Variants in SUGT1 observed in about 807,000 individuals in gnomAD.
SUGT1 encodes protein SGT1 homolog.
Under a neutral mutation model 56.1 loss-of-function variants are expected in SUGT1, and 15 were observed. The observed-to-expected ratio is 0.27, with a 90% CI of 0.18 to 0.41. The LOEUF (loss-of-function observed/expected upper bound fraction) is 0.41, where lower values mean the gene tolerates loss of function less well. SUGT1 is among the 10% of genes least tolerant of loss of function. The probability of loss-of-function intolerance (pLI) is 1.00; values close to 1 mark genes in which losing one functional copy is unlikely to be tolerated. For missense variants in SUGT1, 347 were observed against 382.2 expected (o/e 0.91, Z 0.77); for synonymous variants, 123 against 128.6 (o/e 0.96, Z 0.30).
intron 9 of SUGT1, among the ~76,000 whole-genome samples, chr13:52,666,534 A>G (rs947053235): frequency 3.9e-5 from 6 of 152,234 alleles, no homozygotes; most frequent in Non-Finnish European, 7.3e-5. Context: ...TGAAATCTAA[A>G]TATCAAATAG....
At chr13:52,685,289 TCTC>T (rs1224799168) in intron 12 of SUGT1, among the ~76,000 whole-genome samples, 1 of 138,828 alleles carries the variant, frequency 7.2e-6, no homozygotes, top group East Asian at 2.1e-4. Flanking sequence ...AGAGATAAGG[TCTC>T]CTATGTTGCC....
chr13:52,666,999 A>G (rs985932714), intron 10 of SUGT1, 80 bp downstream of exon 10: 2 of 942,900 alleles, frequency 2.1e-6, no homozygotes, highest in South Asian at 3.2e-5. Flanking sequence ...CCATGTGTTT[A>G]TAAGCTTGTA....
rs1963945009 is a variant in SUGT1 at position 52,696,749 on chromosome 13, C to T, written c.*8914C>T. The T allele has an allele frequency of 6.6e-6, 1 of 152,094 alleles. No individual in the cohort carries two copies. Among genetic ancestry groups the T allele is most frequent in the African/African-American group, 2.4e-5 (1 of 41,416 alleles). The allele number at this position is 152,094 out of a possible 1,614,324, so 9.4% of individuals were successfully genotyped here. On this transcript the variant is annotated 3_prime_UTR_variant, in exon 13 of 13. Transcript: ENST00000310528. ...GTCCAGGGCTCGAGTGATCTTCTCA[C>T]TTCAGCCTCCTGAGTAGCTGAGACT...
In SUGT1 at chr13:52,680,153, T is replaced by A; in HGVS notation, c.898T>A (p.Phe300Ile). 6.4e-7 allele frequency: 1 copy of A among 1,572,048 alleles called. No individual in the cohort carries two copies. Among genetic ancestry groups the A allele is most frequent in the Non-Finnish European group, 8.6e-7 (1 of 1,167,528 alleles). The change falls in exon 12 of 13, where the codon TTT (phenylalanine) becomes ATT (isoleucine). Residue 300 changes from phenylalanine to isoleucine, a missense_variant and splice_region_variant. Physicochemically the swap from Phe to Ile is conservative, Grantham distance 21. Coordinates refer to ENST00000310528, the MANE Select transcript of SUGT1 (RefSeq NM_006704.5). The part of the protein sequence containing the change: ...DEVKRAMNKS[F>I]MESGGTVLST... ...AGTGAAACGTGCCATGAACAAATCCTTTGTAAGAATATAAACTTAAAGAAA... is the reference window on the plus strand; with the variant it reads ...AGTGAAACGTGCCATGAACAAATCCATTGTAAGAATATAAACTTAAAGAAA...
intron 11 of SUGT1, among the ~76,000 whole-genome samples, chr13:52,677,234 G>A (rs554233599): frequency 4.6e-5 from 7 of 152,180 alleles, no homozygotes; most frequent in East Asian, 1.9e-4. Flanking sequence ...AATAATTTTG[G>A]ATGTTTAGAA....
intron 11 of SUGT1, among the ~76,000 whole-genome samples, chr13:52,678,643 G>GA (rs1031159801): frequency 1.3e-5 from 2 of 148,590 alleles, no homozygotes; most frequent in East Asian, 3.9e-4. Flanking sequence ...GAGTTAGTAT[G>GA]AAAAAAAGAA....
At chr13:52,675,118 T>G (rs1279373260) in intron 10 of SUGT1, among the ~76,000 whole-genome samples, 1 of 152,212 alleles carries the variant, frequency 6.6e-6, no homozygotes, top group Non-Finnish European at 1.5e-5. Flanking sequence ...CTCTTGCAAA[T>G]GCTTCTACCC....
At chr13:52,685,917 T>A (rs1963570057) in intron 12 of SUGT1, among the ~76,000 whole-genome samples, 1 of 152,076 alleles carries the variant, frequency 6.6e-6, no homozygotes, top group Non-Finnish European at 1.5e-5. Context: ...AAGGTCCTCT[T>A]GGGGTAGTTT....
chr13:52,658,449 A>C lies in SUGT1; in HGVS notation c.238A>C (p.Thr80Pro), dbSNP rs1193757565. 1.9e-6 allele frequency: 3 copies of C among 1,613,046 alleles called. No individual in the cohort carries two copies. Among genetic ancestry groups the C allele is most frequent in the Admixed American group, 3.3e-5 (2 of 59,854 alleles). The change falls in exon 4 of 13, where the codon ACT (threonine) becomes CCT (proline). Residue 80 changes from threonine (T) to proline (P), a missense_variant. Thr to Pro is a conservative substitution (Grantham distance 38, BLOSUM62 -1). Transcript: ENST00000310528. Reference protein sequence around the residue: ...KSLELNPNNSTAMLRKGICEY... With the variant: ...KSLELNPNNSPAMLRKGICEY... ...TCTAGAACTCAATCCAAATAATTCC[A>C]CTGCTATGCTGAGAAAAGGGTATGC... is the stretch of plus-strand genomic sequence containing the variant.
intron 12 of SUGT1, among the ~76,000 whole-genome samples, chr13:52,681,411 G>C (rs1430509301): frequency 6.9e-6 from 1 of 145,970 alleles, no homozygotes; most frequent in Non-Finnish European, 1.5e-5. Context: ...CAGAGACCCT[G>C]TCTCAAAAAA....
intron 10 of SUGT1, among the ~76,000 whole-genome samples, chr13:52,671,487 T>C (rs1962934190): frequency 6.6e-6 from 1 of 152,192 alleles, no homozygotes. Context: ...TTGACTGTTT[T>C]ATCACATTCC....
intron 10 of SUGT1, among the ~76,000 whole-genome samples, chr13:52,669,701 T>C (rs78575445): frequency 0.018 from 2,667 of 152,310 alleles, 40 homozygotes; most frequent in Middle Eastern, 0.034. Context: ...CTCTGTATTT[T>C]ATATACCATA....
chr13:52,684,232 A>G (rs1328908336), intron 12 of SUGT1, among the ~76,000 whole-genome samples: 1 of 151,894 alleles, frequency 6.6e-6, no homozygotes, highest in African/African-American at 2.4e-5. Flanking sequence ...CAGGGTTTAT[A>G]GTGATATCTT....
At chr13:52,653,450 T>C (rs1962011374) in intron 2 of SUGT1, among the ~76,000 whole-genome samples, 1 of 152,196 alleles carries the variant, frequency 6.6e-6, no homozygotes. Context: ...GTTAATTTTT[T>C]CGTTTGACAA....
intron 10 of SUGT1, among the ~76,000 whole-genome samples, chr13:52,674,053 C>CTTTTTT (rs765220996): frequency 1.2e-4 from 13 of 107,960 alleles, no homozygotes; most frequent in Non-Finnish European, 1.4e-4. Context: ...AGATAGTATA[C>CTTTTTT]TTTTTTTTTT....
intron 3 of SUGT1, 138 bp from the exon 4 acceptor site, chr13:52,658,261 T>A: frequency 6.6e-7 from 1 of 1,523,422 alleles, no homozygotes; most frequent in South Asian, 1.2e-5. Flanking sequence ...TTCTATCTTG[T>A]ATTAGCTTTT....
At chr13:52,663,595 A>C (rs1408669396) in intron 7 of SUGT1, among the ~76,000 whole-genome samples, 1 of 152,184 alleles carries the variant, frequency 6.6e-6, no homozygotes, top group Non-Finnish European at 1.5e-5. Flanking sequence ...CAGCCTTCCA[A>C]GTAGCTGGGA....
At position 52,659,218 on chromosome 13, in the gene SUGT1, A is replaced by G. The variant is rs1290496435; in HGVS notation, c.297A>G (p.Leu99=). 4 of 1,486,100 alleles carry G rather than the reference A, an allele frequency of 2.7e-6. No individual in the cohort carries two copies. The highest frequency in any genetic ancestry group is 2.9e-5 in the South Asian group (2 of 68,910). 92.1% of individuals were successfully genotyped at this position (1,486,100 alleles called of 1,614,324 possible). A position where few individuals can be genotyped will look rare whatever the true frequency, so the allele number is the denominator to read the frequency against. Residue 99 remains leucine (L), a synonymous_variant, in exon 5 of 13, where the codon CTA becomes CTG. Coordinates refer to ENST00000310528, the MANE Select transcript of SUGT1 (RefSeq NM_006704.5). ...EYHEKNYAAA[L]ETFTEGQKLD... ...ATGAAAAAAACTATGCTGCTGCCCT[A>G]GAAACTTTTACAGAAGGACAAAAAT...
chr13:52,695,096 C>T lies in SUGT1; in HGVS notation c.*7261C>T, dbSNP rs1963889921. 6.6e-6 allele frequency: 1 copy of T among 152,178 alleles called. No individual in the cohort carries two copies. Among genetic ancestry groups the T allele is most frequent in the Admixed American group, 6.5e-5 (1 of 15,290 alleles). 9.4% of individuals were successfully genotyped at this position (152,178 alleles called of 1,614,324 possible). A position where few individuals can be genotyped will look rare whatever the true frequency, so the allele number is the denominator to read the frequency against. ...GTAGACATTAATATGGGCTCACTGTCAGCTGGGAGTTCTCACAACTACCAC... is the reference window on the plus strand; with the variant it reads ...GTAGACATTAATATGGGCTCACTGTTAGCTGGGAGTTCTCACAACTACCAC... On this transcript the variant is annotated 3_prime_UTR_variant, in exon 13 of 13. Transcript: ENST00000310528.
Sources: allele counts gnomAD v4.1 joint callset (sites outside exome capture counted in the v4.1 genomes callset), GRCh38; gene constraint gnomAD v4.1.1; transcripts MANE v1.5; gene names NCBI Gene and HGNC (gene_info 2026-07-23, HGNC 2026-07-21).